LYPLAL1: variants seen among roughly 807,000 people sequenced by gnomAD.
The protein encoded by LYPLAL1 is lysophospholipase-like protein 1.
In LYPLAL1, 23 loss-of-function variants were observed where a neutral mutation model predicts 19.7. The ratio of observed to expected loss-of-function variants is 1.17; its 90% CI spans 0.84 to 1.65. LYPLAL1 has a LOEUF of 1.65. Ranked by LOEUF, LYPLAL1 falls within the 40% of genes most tolerant of loss-of-function variation. The pLI is 0.00. For missense variants in LYPLAL1, 355 were observed against 279.4 expected, an observed-to-expected ratio of 1.27 and a Z score of -1.93; for synonymous variants, 119 against 96.3, an observed-to-expected ratio of 1.24 and a Z score of -1.38.
At chr1:219,245,196 CCTTCCT>C in the LYPLAL1 span, among the ~76,000 whole-genome samples, 1 of 81,844 alleles carries the variant, frequency 1.2e-5, no homozygotes, top group Non-Finnish European at 2.6e-5. Context: ...TTCCTTCCTT[CCTTCCT>C]TCCTTCCTTC....
At chr1:219,329,675 C>T in the LYPLAL1 span, among the ~76,000 whole-genome samples, 1 of 152,056 alleles carries the variant, frequency 6.6e-6, no homozygotes, top group Non-Finnish European at 1.5e-5. Context: ...GGGGTGATAC[C>T]CATTTTTCTC....
the LYPLAL1 span, among the ~76,000 whole-genome samples, chr1:219,238,122 CT>C: frequency 8.1e-3 from 845 of 103,844 alleles, 1 homozygote; most frequent in South Asian, 0.021. Context: ...TGGATCTAAA[CT>C]TTTTTTTTTT....
chr1:219,308,941 G>C, the LYPLAL1 span, among the ~76,000 whole-genome samples: 8 of 152,180 alleles, frequency 5.3e-5, no homozygotes, highest in Non-Finnish European at 1.0e-4. Flanking sequence ...CCTGCAGCTT[G>C]CACTGCACAC....
the LYPLAL1 span, among the ~76,000 whole-genome samples, chr1:219,422,644 A>G: frequency 1.3e-5 from 2 of 152,192 alleles, no homozygotes; most frequent in African/African-American, 4.8e-5. Context: ...ATAATTAATA[A>G]TGGGAGAGCA....
chr1:219,358,393 G>A, the LYPLAL1 span, among the ~76,000 whole-genome samples: 1 of 152,170 alleles, frequency 6.6e-6, no homozygotes, highest in Admixed American at 6.5e-5. Context: ...ATTCTGAAAC[G>A]ACTATGCATG....
the LYPLAL1 span, among the ~76,000 whole-genome samples, chr1:219,248,196 C>T: frequency 2.0e-5 from 3 of 152,032 alleles, no homozygotes; most frequent in East Asian, 3.9e-4. Flanking sequence ...TTGATGTCGA[C>T]GAGGTCCTGA....
chr1:219,251,706 T>C, the LYPLAL1 span, among the ~76,000 whole-genome samples: 1 of 152,082 alleles, frequency 6.6e-6, no homozygotes, highest in African/African-American at 2.4e-5. Flanking sequence ...GGAAGTTGCA[T>C]AATGTGATGC....
chr1:219,192,703 G>A (rs1657280324), intron 2 of LYPLAL1, among the ~76,000 whole-genome samples: 1 of 151,380 alleles, frequency 6.6e-6, no homozygotes, highest in African/African-American at 2.4e-5. Context: ...CTCCATTACA[G>A]TTTGGAATAT....
At chr1:219,239,133 T>C in the LYPLAL1 span, among the ~76,000 whole-genome samples, 1 of 152,180 alleles carries the variant, frequency 6.6e-6, no homozygotes, top group East Asian at 1.9e-4. Context: ...CAGATGATAA[T>C]AGCTAACATT....
the LYPLAL1 span, among the ~76,000 whole-genome samples, chr1:219,292,688 A>G: frequency 1.3e-5 from 2 of 152,228 alleles, no homozygotes; most frequent in African/African-American, 2.4e-5. Flanking sequence ...TGAACACTTT[A>G]GATGTACTAC....
At chr1:219,426,877 G>A in the LYPLAL1 span, among the ~76,000 whole-genome samples, 7 of 152,292 alleles carry the variant, frequency 4.6e-5, no homozygotes, top group Middle Eastern at 0.014. Flanking sequence ...GGGATTACAG[G>A]CGTGAGCCAC....
At chr1:219,200,322 T>A (rs1216470208) in intron 3 of LYPLAL1, 2 of 201,894 alleles carry the variant, frequency 9.9e-6, no homozygotes, top group Middle Eastern at 5.7e-4. Flanking sequence ...TTTAGCAAAA[T>A]TTTTATAGCC....
chr1:219,316,142 G>A, the LYPLAL1 span, among the ~76,000 whole-genome samples: 1 of 152,226 alleles, frequency 6.6e-6, no homozygotes, highest in African/African-American at 2.4e-5. Flanking sequence ...TTAAGATCAT[G>A]GTGTTTATCA....
intron 2 of LYPLAL1, among the ~76,000 whole-genome samples, chr1:219,184,683 C>A (rs548024353): frequency 6.6e-6 from 1 of 151,916 alleles, no homozygotes; most frequent in African/African-American, 2.4e-5. Flanking sequence ...TTTCTGTGTC[C>A]TTTGAAATAG....
At chr1:219,294,144 T>G in the LYPLAL1 span, among the ~76,000 whole-genome samples, 6 of 152,186 alleles carry the variant, frequency 3.9e-5, no homozygotes, top group Non-Finnish European at 7.4e-5. Context: ...AACCATTTGA[T>G]AGAAGAGAGA....
At chr1:219,259,269 C>G in the LYPLAL1 span, among the ~76,000 whole-genome samples, 2 of 151,836 alleles carry the variant, frequency 1.3e-5, no homozygotes, top group Non-Finnish European at 2.9e-5. Flanking sequence ...AGTATCTACC[C>G]TGAGGAAAAG....
the LYPLAL1 span, among the ~76,000 whole-genome samples, chr1:219,346,053 T>C: frequency 5.0e-4 from 76 of 152,286 alleles, no homozygotes; most frequent in Non-Finnish European, 9.6e-4. Context: ...GTCCAGGTAT[T>C]ACTGAAACAC....
chr1:219,275,230 T>G, the LYPLAL1 span, among the ~76,000 whole-genome samples: 1 of 152,166 alleles, frequency 6.6e-6, no homozygotes, highest in Admixed American at 6.5e-5. Flanking sequence ...TTCCCTCATT[T>G]AAAATGTCCT....
At chr1:219,311,329 A>G in the LYPLAL1 span, among the ~76,000 whole-genome samples, 62,262 of 152,000 alleles carry the variant, frequency 0.41, 13,437 homozygotes, top group Non-Finnish European at 0.48. Context: ...ACTGTGTTGG[A>G]TGCTGTAATC....
Sources: gnomAD v4.1 joint callset for allele counts (sites outside exome capture counted in the v4.1 genomes callset) on GRCh38, gnomAD v4.1.1 for gene constraint, MANE v1.5 for transcripts, NCBI Gene and HGNC (gene_info 2026-07-23, HGNC 2026-07-21) for gene names.